DOCK3: variants seen among roughly 807,000 people sequenced by gnomAD.
DOCK3 encodes the protein dedicator of cytokinesis protein 3.
In DOCK3, 60 loss-of-function variants were observed where a neutral mutation model predicts 265.6. That is an observed-to-expected ratio of 0.23 (90% CI 0.18 to 0.28). The LOEUF is 0.28. DOCK3 is among the 10% of genes least tolerant of loss of function. The pLI is 1.00. For missense variants in DOCK3, 1,981 were observed against 2,594.3 expected (o/e 0.76, Z 5.14); for synonymous variants, 881 against 938.0 (o/e 0.94, Z 1.11).
chr3:51,146,580 G>C lies in DOCK3; in HGVS notation c.778G>C (p.Gly260Arg). ...GTTTCTGGTAAGACTGAACAAGAAT[G>C]GTGGGCCGAGGAACCCAGAGAAGAT... is the stretch of plus-strand genomic sequence containing the variant. ...ERFLVRLNKN[G>R]GPRNPEKIER... is the part of the protein sequence containing the mutation. The change falls in exon 10 of 53, where the codon GGT (glycine) becomes CGT (arginine). Residue 260 changes from glycine (G) to arginine (R), a missense_variant. Coordinates refer to ENST00000266037, the MANE Select transcript of DOCK3 (RefSeq NM_004947.5). 1 of 1,599,038 alleles carries C rather than the reference G, an allele frequency of 6.3e-7. No individual in the cohort carries two copies. The highest frequency in any genetic ancestry group is 8.5e-7 in the Non-Finnish European group (1 of 1,172,304).
chr3:50,890,181 T>A, intron 4 of DOCK3, 100 bp downstream of exon 4: 1 of 940,564 alleles, frequency 1.1e-6, no homozygotes, highest in East Asian at 3.3e-5. Context: ...ACAATTGATA[T>A]GTTTTCCTGG....
chr3:50,744,278 A>G (rs1014585374), intron 1 of DOCK3, among the ~76,000 whole-genome samples: 4 of 152,336 alleles, frequency 2.6e-5, no homozygotes, highest in African/African-American at 2.4e-5. Context: ...TAATTTTGAT[A>G]AAGTCTAATT....
chr3:50,702,373 C>CA (rs1553636149), intron 1 of DOCK3, among the ~76,000 whole-genome samples: 2 of 148,368 alleles, frequency 1.3e-5, no homozygotes, highest in Non-Finnish European at 3.0e-5. Context: ...CTGATTTTTT[C>CA]TTTTTTTTTA....
intron 5 of DOCK3, among the ~76,000 whole-genome samples, chr3:50,982,768 G>A (rs2077740370): frequency 6.6e-6 from 1 of 152,170 alleles, no homozygotes. Flanking sequence ...GAGACGCAGT[G>A]TGGTCAGGCA....
At chr3:50,904,919 A>T (rs2049400192) in intron 4 of DOCK3, among the ~76,000 whole-genome samples, 1 of 152,058 alleles carries the variant, frequency 6.6e-6, no homozygotes, top group South Asian at 2.1e-4. Flanking sequence ...TCTTTAATCC[A>T]TCTTGAATTA....
chr3:50,781,269 T>G (rs1237724440), intron 2 of DOCK3, among the ~76,000 whole-genome samples: 2 of 144,518 alleles, frequency 1.4e-5, no homozygotes, highest in East Asian at 2.0e-4. Flanking sequence ...TAGTAGTTCT[T>G]TTTTTTTTTT....
rs1553618464 is a variant in DOCK3 at position 51,381,223 on chromosome 3, T to C, written c.5757T>C (p.Ser1919=). The C allele has an allele frequency of 6.2e-7, 1 of 1,613,820 alleles. No individual in the cohort carries two copies. Among genetic ancestry groups the C allele is most frequent in the East Asian group, 2.2e-5 (1 of 44,862 alleles). Residue 1919 remains serine (S), a synonymous_variant, in exon 53 of 53, where the codon AGT becomes AGC. Coordinates refer to ENST00000266037, the MANE Select transcript of DOCK3 (RefSeq NM_004947.5). The surrounding 1 kb of genome is among the most constrained non-coding windows in gnomAD (Gnocchi z 5.6). ...CTGACACCATGGACTCCATGCCAAG[T>C]CAGGCCTGGAATGCTGACGAAGATC... ...PRTDTMDSMP[S]QAWNADEDLE... is the part of the protein sequence containing the mutation.
intron 2 of DOCK3, among the ~76,000 whole-genome samples, chr3:50,803,813 G>A (rs2043217182): frequency 6.6e-6 from 1 of 151,646 alleles, no homozygotes; most frequent in Admixed American, 6.6e-5. Context: ...CTCCCTCCTG[G>A]AAGGGGCAGC....
intron 12 of DOCK3, among the ~76,000 whole-genome samples, chr3:51,191,392 C>T (rs1489909713): frequency 6.6e-6 from 1 of 152,108 alleles, no homozygotes; most frequent in Non-Finnish European, 1.5e-5. Context: ...TGAGGAATGG[C>T]TTCCCTTGGT....
chr3:50,710,609 T>A (rs969422066), intron 1 of DOCK3, among the ~76,000 whole-genome samples: 2 of 152,208 alleles, frequency 1.3e-5, no homozygotes, highest in Non-Finnish European at 2.9e-5. Flanking sequence ...GGAGATTCCT[T>A]AAATAACTAA....
At chr3:51,366,528 T>C (rs1024757014) in intron 49 of DOCK3, among the ~76,000 whole-genome samples, 9 of 152,210 alleles carry the variant, frequency 5.9e-5, no homozygotes, top group Non-Finnish European at 1.0e-4. Flanking sequence ...TGCCTTCTGC[T>C]AGCTTTTGAA....
intron 5 of DOCK3, among the ~76,000 whole-genome samples, chr3:51,054,066 G>A (rs1031921755): frequency 7.7e-6 from 1 of 130,608 alleles, no homozygotes; most frequent in Non-Finnish European, 1.5e-5. Context: ...AGTCAGTGTT[G>A]CTTTAATTCT....
At position 51,280,214 on chromosome 3, in the gene DOCK3, A is replaced by G. The variant is rs774028287; in HGVS notation, c.2922+10A>G. On this transcript the variant is annotated intron_variant, in intron 27 of 52. Coordinates refer to ENST00000266037, the MANE Select transcript of DOCK3 (RefSeq NM_004947.5). ...CAAAGATGAACTCAAGGTAGGCAGT[A>G]GAACACCTTTCCTCTGGGAGAGGAA... 2 of 1,611,510 alleles carry G rather than the reference A, an allele frequency of 1.2e-6. No individual in the cohort carries two copies. Among genetic ancestry groups the G allele is most frequent in the South Asian group, 1.1e-5 (1 of 90,678 alleles).
chr3:50,900,325 T>C (rs1283810553), intron 4 of DOCK3, among the ~76,000 whole-genome samples: 1 of 152,224 alleles, frequency 6.6e-6, no homozygotes, highest in Admixed American at 6.5e-5. Context: ...TTTAGTTCCA[T>C]GAGGTCATTT....
chr3:51,189,693 G>T (rs1463508781), intron 12 of DOCK3, among the ~76,000 whole-genome samples: 1 of 152,098 alleles, frequency 6.6e-6, no homozygotes, highest in Non-Finnish European at 1.5e-5. Context: ...CCATATCTTT[G>T]CAGTTGTTAA....
At chr3:50,830,160 C>G (rs1463495244) in intron 2 of DOCK3, among the ~76,000 whole-genome samples, 1 of 152,184 alleles carries the variant, frequency 6.6e-6, no homozygotes, top group Non-Finnish European at 1.5e-5. Flanking sequence ...GAAAAGGGAT[C>G]CATAATTGGG....
rs548035395 is a variant in DOCK3 at position 50,730,506 on chromosome 3, A to G, written c.38-48169A>G. Among the ~76,000 whole-genome samples, 4 of 152,332 alleles carry G rather than the reference A, an allele frequency of 2.6e-5. No individual in the cohort carries two copies. In the South Asian group the frequency reaches 8.3e-4, roughly 32 times the overall value. ...TTTCTAACTCATTTATTAAGCCAGC[A>G]TAACCTTGATCCAAAGCCTAAGGAG... On this transcript the variant is annotated intron_variant, in intron 1 of 52. Transcript: ENST00000266037.
intron 5 of DOCK3, among the ~76,000 whole-genome samples, chr3:50,937,553 G>A (rs1331722824): frequency 1.3e-5 from 2 of 151,992 alleles, no homozygotes; most frequent in African/African-American, 2.4e-5. Flanking sequence ...CTACTCGAGA[G>A]GCTGAGGCAG....
At chr3:51,245,645 C>G (rs2078804228) in intron 21 of DOCK3, among the ~76,000 whole-genome samples, 1 of 151,954 alleles carries the variant, frequency 6.6e-6, no homozygotes, top group Admixed American at 6.6e-5. Context: ...CCCGCCTCAG[C>G]CTCCTAGAGT....
Sources: allele counts gnomAD v4.1 joint callset (sites outside exome capture counted in the v4.1 genomes callset), GRCh38; gene constraint gnomAD v4.1.1; non-coding constraint Gnocchi (gnomAD v3.1); transcripts MANE v1.5; gene names NCBI Gene and HGNC (gene_info 2026-07-23, HGNC 2026-07-21).